PDIA6: variants seen among roughly 807,000 people sequenced by gnomAD.
PDIA6 encodes the protein protein disulfide isomerase family A member 6.
A neutral mutation model predicts 58.4 loss-of-function variants in PDIA6; 29 were observed. The ratio of observed to expected loss-of-function variants is 0.50; its 90% confidence interval spans 0.37 to 0.68. The LOEUF (loss-of-function observed/expected upper bound fraction) is 0.68. Ranked by LOEUF, PDIA6 falls within the 30% of genes least tolerant of loss-of-function variation. The pLI is 0.00. For synonymous variants in PDIA6, 192 were observed against 202.6 expected (o/e 0.95, Z 0.44); for missense variants, 480 against 551.0 (o/e 0.87, Z 1.29).
upstream of PDIA6, among the ~76,000 whole-genome samples, chr2:10,817,167 A>G (rs1425056894): frequency 1.3e-5 from 2 of 152,194 alleles, no homozygotes; most frequent in Non-Finnish European, 2.9e-5. Context: ...TTCATAAGTG[A>G]AAGTGATGTT....
chr2:10,835,509 G>C (rs1412936138), upstream of PDIA6, among the ~76,000 whole-genome samples: 1 of 152,148 alleles, frequency 6.6e-6, no homozygotes, highest in Non-Finnish European at 1.5e-5. Context: ...CTGCAGGCAA[G>C]AGCTGGAGGC....
chr2:10,801,123 A>G (rs1686438), intron 2 of PDIA6, among the ~76,000 whole-genome samples: 74,145 of 151,966 alleles, frequency 0.49, 19,628 homozygotes, highest in South Asian at 0.58. Flanking sequence ...TATAAAAAAT[A>G]CAAAAATTAG....
chr2:10,790,987 C>T (rs946350503), intron 6 of PDIA6, among the ~76,000 whole-genome samples, 154 bp from the exon 7 acceptor site: 13 of 152,126 alleles, frequency 8.5e-5, no homozygotes, highest in Non-Finnish European at 1.6e-4. Flanking sequence ...GCTGGGACTA[C>T]AGGTGTGTGC....
chr2:10,787,018 C>T (rs1323074899), intron 11 of PDIA6, among the ~76,000 whole-genome samples: 2 of 152,076 alleles, frequency 1.3e-5, no homozygotes, highest in African/African-American at 2.4e-5. Context: ...GAGCCCAGGG[C>T]CAGATGCACA....
At chr2:10,816,961 G>T (rs1667216143), upstream of PDIA6, among the ~76,000 whole-genome samples, 1 of 152,120 alleles carries the variant, frequency 6.6e-6, no homozygotes, top group Non-Finnish European at 1.5e-5. Context: ...CATATCAAAA[G>T]CCAGAACCCA....
chr2:10,798,543 G>A (rs888815663), intron 2 of PDIA6, among the ~76,000 whole-genome samples: 12 of 147,886 alleles, frequency 8.1e-5, no homozygotes, highest in Admixed American at 2.1e-4. Context: ...ACTCCAGCCC[G>A]GGCAACACAG....
chr2:10,803,589 C>A lies in PDIA6; in HGVS notation c.20-949G>T, dbSNP rs181318719. Among the ~76,000 whole-genome samples the A allele has an allele frequency of 9.4e-4, 143 of 152,296 alleles. 1 individual carries two copies. The highest frequency in any genetic ancestry group is 2.6e-3 in the African/African-American group (107 of 41,554). On this transcript the variant is annotated intron_variant, in intron 1 of 12. Coordinates refer to ENST00000272227, the MANE Select transcript of PDIA6 (RefSeq NM_005742.4). Reference sequence around the variant, plus strand: ...CTGTATTGCTGACCACACAGTTCTGCCACATTGTGGATCAAGAGCATTTTC... The same window carrying A: ...CTGTATTGCTGACCACACAGTTCTGACACATTGTGGATCAAGAGCATTTTC...
exon 1 of PDIA6, chr2:10,837,557 C>T (rs1667853322): frequency 2.7e-6 from 2 of 754,112 alleles, no homozygotes; most frequent in African/African-American, 1.7e-5. Context: ...ATCATCAACT[C>T]ATTTGATCCT....
chr2:10,807,572 TTTTAA>T (rs1264403531), intron 1 of PDIA6, among the ~76,000 whole-genome samples: 1 of 151,996 alleles, frequency 6.6e-6, no homozygotes, highest in African/African-American at 2.4e-5. Flanking sequence ...CATTTCTTCC[TTTTAA>T]TTTGTTGATA....
At chr2:10,811,023 A>C (rs968853666) in intron 1 of PDIA6, among the ~76,000 whole-genome samples, 5 of 152,182 alleles carry the variant, frequency 3.3e-5, no homozygotes, top group Non-Finnish European at 7.3e-5. Context: ...TCTGTCCCAC[A>C]TCTGCTAGGA....
At chr2:10,835,410 T>A (rs1160487116), upstream of PDIA6, among the ~76,000 whole-genome samples, 3 of 151,984 alleles carry the variant, frequency 2.0e-5, no homozygotes, top group African/African-American at 7.2e-5. Context: ...GCGGGCCTTA[T>A]CCGGGGCGTA....
intron 2 of PDIA6, among the ~76,000 whole-genome samples, chr2:10,800,669 C>G (rs1284145406): frequency 2.0e-5 from 3 of 151,384 alleles, no homozygotes; most frequent in African/African-American, 4.9e-5. Context: ...GGCACAATCA[C>G]AGCTCACTGC....
chr2:10,797,270 A>C, intron 3 of PDIA6, 63 bp from the exon 4 acceptor site: 38 of 1,529,080 alleles, frequency 2.5e-5, no homozygotes, highest in Non-Finnish European at 3.3e-5. Flanking sequence ...ACAAGAACTC[A>C]TTATCTGCTT....
intron 1 of PDIA6, among the ~76,000 whole-genome samples, chr2:10,831,454 C>T (rs1404767509): frequency 6.6e-6 from 1 of 152,186 alleles, no homozygotes; most frequent in African/African-American, 2.4e-5. Flanking sequence ...TGGCTGGAGC[C>T]CTCCCTTGCA....
chr2:10,811,592 G>C (rs1205544715), intron 1 of PDIA6, among the ~76,000 whole-genome samples: 1 of 152,214 alleles, frequency 6.6e-6, no homozygotes, highest in Admixed American at 6.5e-5. Context: ...CCGTTGAAAA[G>C]GCACTGGCAC....
intron 1 of PDIA6, among the ~76,000 whole-genome samples, chr2:10,826,535 T>C (rs1228403329): frequency 2.6e-5 from 4 of 152,206 alleles, no homozygotes; most frequent in African/African-American, 9.6e-5. Flanking sequence ...AATTTTTGTA[T>C]TTTTAGTAGA....
chr2:10,811,732 CCCT>C (rs1667006251), intron 1 of PDIA6, among the ~76,000 whole-genome samples: 1 of 152,134 alleles, frequency 6.6e-6, no homozygotes, highest in Non-Finnish European at 1.5e-5. Context: ...AAGGACAGGA[CCCT>C]CGGCCTCGCC....
intron 1 of PDIA6, among the ~76,000 whole-genome samples, chr2:10,811,414 T>C (rs904581031): frequency 2.0e-5 from 3 of 152,126 alleles, no homozygotes; most frequent in African/African-American, 7.2e-5. Flanking sequence ...CCTGGATCCC[T>C]TGAGACCAGG....
chr2:10,807,891 G>C (rs1375850226), intron 1 of PDIA6, among the ~76,000 whole-genome samples: 1 of 152,192 alleles, frequency 6.6e-6, no homozygotes, highest in Non-Finnish European at 1.5e-5. Context: ...GTAAATAAAG[G>C]TCTAGACCAA....
Sources: gnomAD v4.1 joint callset for allele counts (sites outside exome capture counted in the v4.1 genomes callset) on GRCh38, gnomAD v4.1.1 for gene constraint, MANE v1.5 for transcripts, NCBI Gene and HGNC (gene_info 2026-07-23, HGNC 2026-07-21) for gene names.